The following VPS4B variants were observed in gnomAD, a reference collection of about 807,000 sequenced individuals.
VPS4B encodes vacuolar protein sorting 4 homolog B.
A neutral mutation model predicts 56.1 loss-of-function variants in VPS4B; 23 were observed. The observed-to-expected ratio is 0.41, with a 90% CI of 0.30 to 0.58. VPS4B has a LOEUF of 0.58. VPS4B is among the 20% of genes least tolerant of loss of function. VPS4B has a pLI of 0.29. For synonymous variants in VPS4B, 177 were observed against 186.0 expected, an observed-to-expected ratio of 0.95 and a Z score of 0.39; for missense variants, 372 against 531.9, an observed-to-expected ratio of 0.70 and a Z score of 2.96.
Position 63,391,060 on chromosome 18 carries a change from G to T in VPS4B, c.1250C>A (p.Ser417Ter). The change falls in exon 11 of 11, where the codon TCA becomes TAA. Residue 417 changes from serine (S) to a stop codon, truncating the protein, a stop_gained. Coordinates refer to ENST00000238497, the MANE Select transcript of VPS4B (RefSeq NM_004869.4). LOFTEE classifies it high-confidence loss of function. ...PVVSMSDMLR[S>*]LSNTKPTVNE... ...GACTGTAGGTTTTGTGTTAGATAGT[G>T]ACCGCAACATATCCGACTGTCAGGG... 1 of 1,612,062 alleles carries T rather than the reference G, an allele frequency of 6.2e-7. No individual in the cohort carries two copies. The highest frequency in any genetic ancestry group is 1.1e-5 in the South Asian group (1 of 90,912).
rs1353879511 is a variant in VPS4B, at chr18:63,411,898, A to G, written c.28-320T>C. ...TTAGCTAAAGTTAAATTTAGGGCTA[A>G]TAAGAAATAATAGAATGTGAAAATT... On this transcript the variant is annotated intron_variant, in intron 1 of 10. Coordinates refer to ENST00000238497, the MANE Select transcript of VPS4B (RefSeq NM_004869.4). Among the ~76,000 whole-genome samples, 6 of 152,212 alleles carry G rather than the reference A, an allele frequency of 3.9e-5. No homozygotes were observed. The East Asian group carries it at 1.2e-3, about 29-fold the overall frequency.
At chr18:63,403,043 C>T (rs1915845933) in intron 5 of VPS4B, among the ~76,000 whole-genome samples, 1 of 152,240 alleles carries the variant, frequency 6.6e-6, no homozygotes, top group African/African-American at 2.4e-5. Flanking sequence ...ATATCACTTA[C>T]TGCTGGAACT....
At chr18:63,407,573 A>T (rs1361727215) in intron 3 of VPS4B, 74 bp from the exon 4 acceptor site, 2 of 1,185,274 alleles carry the variant, frequency 1.7e-6, no homozygotes, top group Admixed American at 2.5e-5. Flanking sequence ...AGGAAAAATT[A>T]ACCTGAAATA....
At chr18:63,410,800 AAGAC>A (rs1916024019) in intron 2 of VPS4B, among the ~76,000 whole-genome samples, 1 of 152,256 alleles carries the variant, frequency 6.6e-6, no homozygotes, top group Non-Finnish European at 1.5e-5. Flanking sequence ...AATTATAAAA[AAGAC>A]AAATAGAAGG....
At chr18:63,402,777 T>C (rs781745753) in intron 5 of VPS4B, among the ~76,000 whole-genome samples, 4 of 152,200 alleles carry the variant, frequency 2.6e-5, no homozygotes, top group African/African-American at 4.8e-5. Flanking sequence ...ACTCCTGAAG[T>C]TGGGTAGTAA....
At chr18:63,398,225 T>G (rs2551398) in intron 8 of VPS4B, among the ~76,000 whole-genome samples, 1 of 54,994 alleles carries the variant, frequency 1.8e-5, no homozygotes, top group Non-Finnish European at 4.4e-5. Flanking sequence ...ATATATATAT[T>G]TTTTTTTGAG....
intron 1 of VPS4B, among the ~76,000 whole-genome samples, chr18:63,421,013 G>C (rs1916284892): frequency 6.7e-6 from 1 of 149,564 alleles, no homozygotes; most frequent in Non-Finnish European, 1.5e-5. Flanking sequence ...ACTCAAGCCT[G>C]GGCGACCGTG....
At chr18:63,414,721 C>T (rs1389386122) in intron 1 of VPS4B, among the ~76,000 whole-genome samples, 2 of 152,226 alleles carry the variant, frequency 1.3e-5, no homozygotes, top group Non-Finnish European at 2.9e-5. Flanking sequence ...AGGCGTGAGC[C>T]ACCGTGCCTG....
At chr18:63,400,765 T>C in intron 5 of VPS4B, 62 bp from the exon 6 acceptor site, 1 of 1,470,454 alleles carries the variant, frequency 6.8e-7, no homozygotes, top group Non-Finnish European at 9.2e-7. Context: ...TCATCTATAC[T>C]GAGGAATACT....
chr18:63,407,535 T>C (rs770507499), intron 3 of VPS4B, 36 bp from the exon 4 acceptor site: 90 of 1,508,658 alleles, frequency 6.0e-5, no homozygotes, highest in Non-Finnish European at 7.9e-5. Flanking sequence ...AAATGATCAC[T>C]CATTGCTATC....
chr18:63,405,549 C>T (rs1381796826), intron 4 of VPS4B, among the ~76,000 whole-genome samples: 3 of 152,056 alleles, frequency 2.0e-5, no homozygotes, highest in East Asian at 3.8e-4. Context: ...ATTTCAAATA[C>T]ATTTCCTCAT....
rs1293312191 is a variant in VPS4B, at chr18:63,391,049, T to C, written c.1261A>G (p.Thr421Ala). Residue 421 changes from threonine to alanine, a missense_variant, in exon 11 of 11, where the codon ACA (threonine) becomes GCA (alanine). Physicochemically the swap from Thr to Ala is moderately conservative, Grantham distance 58 (BLOSUM62 0). This residue lies in a region of VPS4B where 153 missense variants were observed against 190.9 expected (regional missense o/e 0.80). Coordinates refer to ENST00000238497, the MANE Select transcript of VPS4B (RefSeq NM_004869.4). ...TCATGTTCATTGACTGTAGGTTTTG[T>C]GTTAGATAGTGACCGCAACATATCC... Reference protein sequence around the residue: ...MSDMLRSLSNTKPTVNEHDLL... With the variant: ...MSDMLRSLSNAKPTVNEHDLL... The C allele has an allele frequency of 6.2e-7, 1 of 1,613,518 alleles. No homozygotes were observed. Among genetic ancestry groups the C allele is most frequent in the East Asian group, 2.2e-5 (1 of 44,808 alleles).
intron 1 of VPS4B, 52 bp downstream of exon 1, chr18:63,422,181 C>T: frequency 6.9e-7 from 1 of 1,442,288 alleles, no homozygotes; most frequent in Non-Finnish European, 9.1e-7. Flanking sequence ...CCGCTTCTCG[C>T]GCCTCCCCTC....
At chr18:63,419,428 A>C (rs1395183610) in intron 1 of VPS4B, among the ~76,000 whole-genome samples, 1 of 152,136 alleles carries the variant, frequency 6.6e-6, no homozygotes, top group Non-Finnish European at 1.5e-5. Flanking sequence ...AAAAAAAAAA[A>C]ATAAATGCAG....
At chr18:63,397,900 G>A (rs1349311966) in intron 8 of VPS4B, among the ~76,000 whole-genome samples, 2 of 152,074 alleles carry the variant, frequency 1.3e-5, no homozygotes, top group Non-Finnish European at 2.9e-5. Context: ...CTCTAGAGAT[G>A]GGTGCAGAAT....
At chr18:63,410,181 C>T in intron 3 of VPS4B, 109 bp downstream of exon 3, 2 of 1,404,798 alleles carry the variant, frequency 1.4e-6, no homozygotes, top group Middle Eastern at 1.9e-4. Context: ...GGCAGCTGGG[C>T]AGCTTTGGCC....
chr18:63,403,609 A>C, intron 5 of VPS4B, 98 bp downstream of exon 5: 1 of 1,264,340 alleles, frequency 7.9e-7, no homozygotes, highest in Non-Finnish European at 1.1e-6. Context: ...CAATTTATTT[A>C]AGATAATTCA....
chr18:63,409,361 C>T lies in VPS4B; in HGVS notation c.296+929G>A, dbSNP rs975509831. Among the ~76,000 whole-genome samples, 8 of 152,338 alleles carry T rather than the reference C, an allele frequency of 5.3e-5. No homozygotes were observed. The South Asian group carries it at 1.7e-3, about 32-fold the overall frequency. ...GCACTGCCTAAAAGGCACTTCATTC[C>T]TTGTGACCACAGGGTATTGTCTAAA... On this transcript the variant is annotated intron_variant, in intron 3 of 10. Transcript: ENST00000238497.
At chr18:63,415,968 C>A in intron 1 of VPS4B, 1 of 222,302 alleles carries the variant, frequency 4.5e-6, no homozygotes, top group Non-Finnish European at 9.5e-6. Context: ...GCTTAACAGG[C>A]TGCTCGATCA....
Sources: gnomAD v4.1 joint callset for allele counts (sites outside exome capture counted in the v4.1 genomes callset) on GRCh38, gnomAD v4.1.1 for gene constraint, gnomAD v4.1.1 regional missense constraint, MANE v1.5 for transcripts, NCBI Gene and HGNC (gene_info 2026-07-23, HGNC 2026-07-21) for gene names.